The following ZFPM2 variants were observed in gnomAD, a reference collection of about 807,000 sequenced individuals.
ZFPM2 encodes the protein zinc finger protein, FOG family member 2.
In ZFPM2, 20 loss-of-function variants were observed where a neutral mutation model predicts 98.6. That is an observed-to-expected ratio of 0.20 (90% CI 0.14 to 0.29). ZFPM2 has a LOEUF of 0.29. ZFPM2 is among the 10% of genes least tolerant of loss of function. The probability of loss-of-function intolerance (pLI) is 1.00; values close to 1 mark genes in which losing one functional copy is unlikely to be tolerated. For synonymous variants in ZFPM2, 518 were observed against 502.7 expected, an observed-to-expected ratio of 1.03 and a Z score of -0.41; for missense variants, 1,310 against 1,388.6, an observed-to-expected ratio of 0.94 and a Z score of 0.90.
In ZFPM2 at chr8:105,692,102, A is replaced by G. The variant is rs533478272; in HGVS notation, c.532+57745A>G. On this transcript the variant is annotated intron_variant, in intron 5 of 7. Transcript: ENST00000407775. The stretch of plus-strand genomic sequence containing the variant: ...AAAGAAACAGAATCATGAATCTACT[A>G]TGAACATAGTGAGTTGTGATTTATT... Among the ~76,000 whole-genome samples the G allele has an allele frequency of 4.8e-4, 73 of 152,326 alleles. 3 individuals are homozygous for G. The South Asian group carries it at 0.014, about 29-fold the overall frequency.
chr8:105,525,516 G>T (rs1814156293), intron 3 of ZFPM2, among the ~76,000 whole-genome samples: 2 of 152,282 alleles, frequency 1.3e-5, no homozygotes, highest in Non-Finnish European at 1.5e-5. Context: ...TGCTCTCCAA[G>T]CTGCATGTTC....
chr8:105,700,508 T>C (rs958981138), intron 5 of ZFPM2, among the ~76,000 whole-genome samples: 2 of 152,134 alleles, frequency 1.3e-5, no homozygotes, highest in Non-Finnish European at 1.5e-5. Context: ...GTCCAGAATT[T>C]TAAAGCTGCT....
At chr8:105,414,077 G>C (rs1268897543) in intron 1 of ZFPM2, among the ~76,000 whole-genome samples, 1 of 151,918 alleles carries the variant, frequency 6.6e-6, no homozygotes, top group Non-Finnish European at 1.5e-5. Context: ...GGCTAGTCTT[G>C]TGCAGCTTCT....
At chr8:105,634,666 G>T (rs540715034) in intron 5 of ZFPM2, among the ~76,000 whole-genome samples, 1 of 151,980 alleles carries the variant, frequency 6.6e-6, no homozygotes, top group African/African-American at 2.4e-5. Flanking sequence ...CAGGTTTGAC[G>T]AAACTCCAAT....
intron 3 of ZFPM2, among the ~76,000 whole-genome samples, chr8:105,538,309 TA>T (rs1310231066): frequency 3.3e-5 from 5 of 152,168 alleles, no homozygotes; most frequent in African/African-American, 1.2e-4. Context: ...CTAAGGTACC[TA>T]ATAAGCCCTT....
At chr8:105,729,050 A>G (rs1811871996) in intron 5 of ZFPM2, among the ~76,000 whole-genome samples, 1 of 151,686 alleles carries the variant, frequency 6.6e-6, no homozygotes, top group Non-Finnish European at 1.5e-5. Context: ...AATGCTATAT[A>G]TCTGATGTTC....
In ZFPM2 at chr8:105,318,561, T is replaced by G. The variant is rs1295569766; in HGVS notation, c.-381T>G. The G allele has an allele frequency of 6.6e-6, 1 of 150,466 alleles. No homozygotes were observed. Among genetic ancestry groups the G allele is most frequent in the East Asian group, 2.0e-4 (1 of 4,998 alleles). The allele number at this position is 150,466 out of a possible 1,614,324, so 9.3% of individuals were successfully genotyped here. On this transcript the variant is annotated 5_prime_UTR_variant, in exon 1 of 8. Coordinates refer to ENST00000407775, the MANE Select transcript of ZFPM2 (RefSeq NM_012082.4). ...GCCCTGCGCCCCCGCGCTCCCCCTCTCCTCGCTGCTCGCTCTCCCGTCCCT... is the reference window on the plus strand; with the variant it reads ...GCCCTGCGCCCCCGCGCTCCCCCTCGCCTCGCTGCTCGCTCTCCCGTCCCT...
chr8:105,616,620 T>C (rs1285568129), intron 4 of ZFPM2: 2 of 327,480 alleles, frequency 6.1e-6, no homozygotes, highest in Middle Eastern at 7.7e-4. Flanking sequence ...TCTAAGTGAT[T>C]TATAAGCGTT....
chr8:105,575,248 G>T (rs1815439696), intron 4 of ZFPM2, among the ~76,000 whole-genome samples: 2 of 152,102 alleles, frequency 1.3e-5, no homozygotes, highest in African/African-American at 4.8e-5. Context: ...TTTCTCTTTG[G>T]TTGCAGCCAT....
chr8:105,372,500 C>T (rs1432248616), intron 1 of ZFPM2, among the ~76,000 whole-genome samples: 1 of 151,880 alleles, frequency 6.6e-6, no homozygotes, highest in East Asian at 1.9e-4. Context: ...AAAAATGTTT[C>T]TAACAAGTAA....
rs555052959 is a variant in ZFPM2, at chr8:105,487,048, G to A, written c.301+42667G>A. On this transcript the variant is annotated intron_variant, in intron 3 of 7. Coordinates refer to ENST00000407775, the MANE Select transcript of ZFPM2 (RefSeq NM_012082.4). Reference sequence around the variant, plus strand: ...AGGTACCCCCTTCTCTTGGTTTTTGGTGCTTTCATAGCTTCTTAATTCACC... The same window carrying A: ...AGGTACCCCCTTCTCTTGGTTTTTGATGCTTTCATAGCTTCTTAATTCACC... Among the ~76,000 whole-genome samples, 16 of 152,160 alleles carry A rather than the reference G, an allele frequency of 1.1e-4. No homozygotes were observed. The South Asian group carries it at 3.3e-3, about 32-fold the overall frequency.
intron 5 of ZFPM2, among the ~76,000 whole-genome samples, chr8:105,721,453 TATC>T (rs1355816829): frequency 6.6e-6 from 1 of 151,974 alleles, no homozygotes; most frequent in Non-Finnish European, 1.5e-5. Flanking sequence ...ACAGAAAGTT[TATC>T]TTTTTCTCAC....
At chr8:105,387,381 G>A (rs978578446) in intron 1 of ZFPM2, 4 of 159,930 alleles carry the variant, frequency 2.5e-5, no homozygotes, top group Non-Finnish European at 1.4e-5. Context: ...TAGAGCAGGC[G>A]GCAGCGCTCG....
At chr8:105,646,340 C>T (rs1400124557) in intron 5 of ZFPM2, among the ~76,000 whole-genome samples, 3 of 151,956 alleles carry the variant, frequency 2.0e-5, no homozygotes, top group Non-Finnish European at 2.9e-5. Context: ...GGGGTAGTGT[C>T]GGGTGGTTCG....
At chr8:105,594,580 C>G (rs966766173) in intron 4 of ZFPM2, among the ~76,000 whole-genome samples, 1 of 152,042 alleles carries the variant, frequency 6.6e-6, no homozygotes, top group Middle Eastern at 3.2e-3. Flanking sequence ...TTCCATAACT[C>G]TCTGAAGCTG....
chr8:105,563,867 G>A (rs1307762075), intron 4 of ZFPM2, among the ~76,000 whole-genome samples: 4 of 152,046 alleles, frequency 2.6e-5, no homozygotes, highest in Admixed American at 2.6e-4. Flanking sequence ...TACTGACACT[G>A]TATCAGCTAT....
chr8:105,389,296 G>A (rs1465803705), intron 1 of ZFPM2, among the ~76,000 whole-genome samples: 1 of 151,978 alleles, frequency 6.6e-6, no homozygotes, highest in African/African-American at 2.4e-5. Flanking sequence ...TAAGATCTTA[G>A]AAGATCACTA....
At chr8:105,342,243 A>G (rs1274693906) in intron 1 of ZFPM2, among the ~76,000 whole-genome samples, 3 of 152,026 alleles carry the variant, frequency 2.0e-5, no homozygotes, top group Non-Finnish European at 2.9e-5. Flanking sequence ...TAATGTCAAA[A>G]TCTCCTTTGA....
chr8:105,489,466 A>ATATATATATATATATATATATTTTTTTTT, intron 3 of ZFPM2, among the ~76,000 whole-genome samples: 1 of 119,772 alleles, frequency 8.3e-6, no homozygotes, highest in Admixed American at 9.0e-5. Context: ...ATATATATAT[A>ATATATATATATATATATATATTTTTTTTT]TTTTTTTTTT....
Sources: allele counts gnomAD v4.1 joint callset (sites outside exome capture counted in the v4.1 genomes callset), GRCh38; gene constraint gnomAD v4.1.1; transcripts MANE v1.5; gene names NCBI Gene and HGNC (gene_info 2026-07-23, HGNC 2026-07-21).